Variants in MGAT4C observed in about 807,000 individuals in gnomAD.
MGAT4C encodes alpha-1,3-mannosyl-glycoprotein 4-beta-N-acetylglucosaminyltransferase C.
In MGAT4C, 19 loss-of-function variants were observed where a neutral mutation model predicts 40.1. That is an observed-to-expected ratio of 0.47 (90% CI 0.33 to 0.70). The LOEUF is 0.70. Among genes scored for constraint, MGAT4C ranks in the 30% least tolerant of loss-of-function variants. The pLI is 0.02. For missense variants in MGAT4C, 491 were observed against 563.2 expected, an observed-to-expected ratio of 0.87 and a Z score of 1.30; for synonymous variants, 181 against 187.1, an observed-to-expected ratio of 0.97 and a Z score of 0.27.
chr12:86,413,457 G>C (rs911905088), intron 3 of MGAT4C, among the ~76,000 whole-genome samples: 5 of 152,152 alleles, frequency 3.3e-5, no homozygotes, highest in African/African-American at 1.2e-4. Context: ...GTTTGCCAAT[G>C]ACAAATTGAT....
chr12:86,601,972 C>G (rs544124371), intron 2 of MGAT4C, among the ~76,000 whole-genome samples: 4 of 152,284 alleles, frequency 2.6e-5, no homozygotes, highest in African/African-American at 9.6e-5. Context: ...TGGGGTGCCA[C>G]CGCGTTCCCG....
rs115261436 is a variant in MGAT4C, at chr12:86,544,343, T to C, written c.-228-109078A>G. On this transcript the variant is annotated intron_variant, in intron 2 of 7. Coordinates refer to the MGAT4C transcript ENST00000548651. Reference sequence around the variant, plus strand: ...TACAATTGCTCAGAAATATGTTTAATCAATTCAATTATATTTTAATACTAA... The same window carrying C: ...TACAATTGCTCAGAAATATGTTTAACCAATTCAATTATATTTTAATACTAA... 2.4e-3 allele frequency among the ~76,000 whole-genome samples: 373 copies of C among 152,320 alleles called. 1 individual carries two copies. Among genetic ancestry groups the C allele is most frequent in the African/African-American group, 8.8e-3 (367 of 41,578 alleles).
chr12:86,744,726 A>T lies in MGAT4C; in HGVS notation c.-261-17485T>A, dbSNP rs565022939. ...ACAAATCCAGAGTTAGGAGTCTATG[A>T]GTATGGATGTGGGTGTGTCTTTGTA... On this transcript the variant is annotated intron_variant, in intron 1 of 7. Transcript: ENST00000548651. 2.2e-4 allele frequency among the ~76,000 whole-genome samples: 33 copies of T among 151,644 alleles called. No individual in the cohort carries two copies. In the South Asian group the frequency reaches 3.3e-3, roughly 15 times the overall value.
At chr12:86,464,943 T>A (rs78489134) in intron 2 of MGAT4C, among the ~76,000 whole-genome samples, 135 of 152,198 alleles carry the variant, frequency 8.9e-4, no homozygotes, top group African/African-American at 3.2e-3. Flanking sequence ...TTCACACTAT[T>A]TTGTTGGGTT....
At chr12:86,042,682 G>T (rs185495203) in intron 2 of MGAT4C, among the ~76,000 whole-genome samples, 3 of 151,616 alleles carry the variant, frequency 2.0e-5, no homozygotes, top group Admixed American at 1.3e-4. Context: ...TGGCTAACAC[G>T]GTGAAACCCC....
chr12:86,499,533 C>T (rs1958298964), intron 2 of MGAT4C, among the ~76,000 whole-genome samples: 1 of 151,736 alleles, frequency 6.6e-6, no homozygotes, highest in South Asian at 2.1e-4. Context: ...GAATCACTCT[C>T]AATCGTCTCT....
At chr12:86,061,584 G>T (rs376210486) in intron 1 of MGAT4C, among the ~76,000 whole-genome samples, 1 of 152,012 alleles carries the variant, frequency 6.6e-6, no homozygotes, top group African/African-American at 2.4e-5. Flanking sequence ...GGCTTAGCAG[G>T]TCTCACCCCC....
chr12:86,224,151 G>A (rs997796867), intron 1 of MGAT4C, among the ~76,000 whole-genome samples: 1 of 152,096 alleles, frequency 6.6e-6, no homozygotes, highest in Admixed American at 6.6e-5. Context: ...TGCCACCAGG[G>A]GGGTCTGAAG....
At chr12:86,807,139 C>T (rs1341305205) in intron 1 of MGAT4C, among the ~76,000 whole-genome samples, 2 of 151,434 alleles carry the variant, frequency 1.3e-5, no homozygotes, top group African/African-American at 4.9e-5. Context: ...TATTTTAATC[C>T]TGGTGTACAT....
rs2136642055 is a variant in MGAT4C, at chr12:85,960,948, T to TTTCC, written c.*18337_*18340dup. 6.6e-6 allele frequency: 1 copy of TTTCC among 152,130 alleles called. No homozygotes were observed. The highest frequency in any genetic ancestry group is 2.4e-5 in the African/African-American group (1 of 41,592). The allele number at this position is 152,130 out of a possible 1,614,324, so 9.4% of individuals were successfully genotyped here. A position where few individuals can be genotyped will look rare whatever the true frequency, so the allele number is the denominator to read the frequency against. Reference sequence around the variant, plus strand: ...AAATAAATCATTGTATTCACATAACTTTCCAGGGCACTATGCATTTTTAAA... The same window carrying TTTCC: ...AAATAAATCATTGTATTCACATAACTTTCCTTCCAGGGCACTATGCATTTTTAAA... On this transcript the variant is annotated 3_prime_UTR_variant, in exon 5 of 5. Transcript: ENST00000611864.
intron 4 of MGAT4C, among the ~76,000 whole-genome samples, chr12:86,293,844 A>C (rs1247886902): frequency 6.6e-6 from 1 of 152,128 alleles, no homozygotes; most frequent in Non-Finnish European, 1.5e-5. Flanking sequence ...CTGACCTGTG[A>C]AGAAGGCATC....
intron 2 of MGAT4C, among the ~76,000 whole-genome samples, chr12:85,994,169 C>A (rs1886322810): frequency 6.6e-6 from 1 of 152,200 alleles, no homozygotes; most frequent in Admixed American, 6.5e-5. Context: ...TAGAATAAAA[C>A]AACAACAAAA....
intron 4 of MGAT4C, among the ~76,000 whole-genome samples, chr12:86,322,454 T>G (rs1387630014): frequency 6.6e-6 from 1 of 152,176 alleles, no homozygotes; most frequent in Non-Finnish European, 1.5e-5. Flanking sequence ...CTATTACATT[T>G]TTAGACATAT....
intron 2 of MGAT4C, among the ~76,000 whole-genome samples, chr12:86,524,759 G>C (rs1958852148): frequency 1.3e-5 from 2 of 151,998 alleles, no homozygotes; most frequent in South Asian, 4.1e-4. Flanking sequence ...GAAGTTTCGT[G>C]TATTCCCTTA....
chr12:86,782,794 G>C (rs2136184916), intron 1 of MGAT4C, among the ~76,000 whole-genome samples: 1 of 151,970 alleles, frequency 6.6e-6, no homozygotes, highest in South Asian at 2.1e-4. Context: ...GAAAAGCTAC[G>C]TGAAGACACA....
At chr12:86,242,896 A>T (rs1057494851) in intron 1 of MGAT4C, among the ~76,000 whole-genome samples, 16 of 152,100 alleles carry the variant, frequency 1.1e-4, no homozygotes, top group Non-Finnish European at 8.8e-5. Context: ...AACTGACTCT[A>T]GCTACTAACA....
intron 3 of MGAT4C, among the ~76,000 whole-genome samples, chr12:86,408,475 C>CTATATATA (rs1363556793): frequency 1.5e-4 from 16 of 104,376 alleles, no homozygotes; most frequent in East Asian, 1.3e-3. Context: ...CTCTCTCTCT[C>CTATATATA]TCTCTATATA....
intron 3 of MGAT4C, among the ~76,000 whole-genome samples, chr12:86,409,332 G>A (rs1417131551): frequency 6.6e-5 from 10 of 152,128 alleles, no homozygotes; most frequent in Admixed American, 4.6e-4. Context: ...TCAATGCCAA[G>A]AGCGTAATGA....
intron 1 of MGAT4C, among the ~76,000 whole-genome samples, chr12:86,243,753 A>G (rs1566209943): frequency 6.6e-6 from 1 of 152,126 alleles, no homozygotes; most frequent in Non-Finnish European, 1.5e-5. Flanking sequence ...TGAACTCCAG[A>G]GAGAAAAAAA....
Sources: gnomAD v4.1 joint callset for allele counts (sites outside exome capture counted in the v4.1 genomes callset) on GRCh38, gnomAD v4.1.1 for gene constraint, MANE v1.5 for transcripts, NCBI Gene and HGNC (gene_info 2026-07-23, HGNC 2026-07-21) for gene names.